TMEM179: variants seen among roughly 807,000 people sequenced by gnomAD.
TMEM179 encodes transmembrane protein 179, also known as transmembrane protein 179A.
A neutral mutation model predicts 22.2 loss-of-function variants in TMEM179; 17 were observed. That is an observed-to-expected ratio of 0.77 (90% CI 0.52 to 1.15). The LOEUF is 1.15. TMEM179 is among the 50% of genes most tolerant of loss of function. The pLI is 0.00. For missense variants in TMEM179, 265 were observed against 313.6 expected (o/e 0.84, Z 1.17); for synonymous variants, 127 against 140.5 (o/e 0.90, Z 0.68).
intron 1 of TMEM179, among the ~76,000 whole-genome samples, chr14:104,602,990 A>G (rs1037860796): frequency 6.6e-6 from 1 of 152,172 alleles, no homozygotes; most frequent in Non-Finnish European, 1.5e-5. Flanking sequence ...GAATCCAGTG[A>G]CTGGTGTCCC....
Position 104,595,585 on chromosome 14 carries a change from C to T in TMEM179, c.444-342G>A, listed in dbSNP as rs926084131. ...AGGCCAGGCCCCTCCCTGTCCTGAC[C>T]CAGGACGGCCGGAAGACGCCAGCTC... On this transcript the variant is annotated intron_variant, in intron 2 of 3. Transcript: ENST00000556573. This position sits in a 1 kb window ranked among gnomAD's most constrained non-coding sequence, Gnocchi z 5.7. Among the ~76,000 whole-genome samples, 4 of 151,898 alleles carry T rather than the reference C, an allele frequency of 2.6e-5. No individual in the cohort carries two copies. Among genetic ancestry groups the T allele is most frequent in the African/African-American group, 9.7e-5 (4 of 41,312 alleles).
In TMEM179 at chr14:104,602,980, G is replaced by A. The variant is rs562960735; in HGVS notation, c.305+1457C>T. Among the ~76,000 whole-genome samples the A allele has an allele frequency of 8.5e-4, 130 of 152,360 alleles. 1 individual carries two copies. In the Middle Eastern group the frequency reaches 0.02, roughly 24 times the overall value. On this transcript the variant is annotated intron_variant, in intron 1 of 3. Transcript: ENST00000556573. ...TCTCCCTGAGTTTAGAGTGGGCCCT[G>A]AATCCAGTGACTGGTGTCCCTGTAA...
In TMEM179 at chr14:104,591,176, G is replaced by A; in HGVS notation, c.*2303C>T. On this transcript the variant is annotated 3_prime_UTR_variant, in exon 4 of 4. Coordinates refer to ENST00000556573, the MANE Select transcript of TMEM179 (RefSeq NM_001286389.2). Reference sequence around the variant, plus strand: ...GTCCAGGGTGGGTCTATGTCTGCATGCAGCCGAGGATTTCCATCACCCTGG... The same window carrying A: ...GTCCAGGGTGGGTCTATGTCTGCATACAGCCGAGGATTTCCATCACCCTGG... 2.8e-6 allele frequency: 1 copy of A among 357,708 alleles called. No homozygotes were observed. The highest frequency in any genetic ancestry group is 5.5e-6 in the Non-Finnish European group (1 of 181,990). 22.2% of individuals were successfully genotyped at this position (357,708 alleles called of 1,614,324 possible). A position where few individuals can be genotyped will look rare whatever the true frequency, so the allele number is the denominator to read the frequency against.
At chr14:104,594,238 T>C (rs1028075095) in intron 3 of TMEM179, 3 of 1,231,706 alleles carry the variant, frequency 2.4e-6, no homozygotes, top group Admixed American at 4.2e-5. Flanking sequence ...TAAATTTGCA[T>C]GAAGGTGTCT....
chr14:104,599,700 G>A (rs149628908), intron 1 of TMEM179, among the ~76,000 whole-genome samples: 45 of 152,308 alleles, frequency 3.0e-4, no homozygotes, highest in African/African-American at 1.0e-3. Flanking sequence ...GGCGAGGCAC[G>A]GCCAGGGTCA....
chr14:104,600,403 G>A (rs1046549224), intron 1 of TMEM179, among the ~76,000 whole-genome samples: 6 of 152,210 alleles, frequency 3.9e-5, no homozygotes, highest in Non-Finnish European at 8.8e-5. Context: ...GCGCCGGCAC[G>A]GGCAGGCAGA....
chr14:104,596,347 C>G (rs1351054369), intron 2 of TMEM179, among the ~76,000 whole-genome samples: 1 of 152,194 alleles, frequency 6.6e-6, no homozygotes, highest in Non-Finnish European at 1.5e-5. Flanking sequence ...TCACTGTGCT[C>G]CACTCTGGGG....
chr14:104,599,255 T>G (rs908757554), intron 1 of TMEM179, among the ~76,000 whole-genome samples: 69 of 138,276 alleles, frequency 5.0e-4, no homozygotes, highest in Non-Finnish European at 1.5e-4. Flanking sequence ...GTCTGGAGGC[T>G]GAAAGGTGTG....
At position 104,604,040 on chromosome 14, in the gene TMEM179, T is replaced by G. The variant is rs1345220895; in HGVS notation, c.305+397A>C. On this transcript the variant is annotated intron_variant, in intron 1 of 3. Transcript: ENST00000556573. This position sits in a 1 kb window ranked among gnomAD's most constrained non-coding sequence, Gnocchi z 4.6. ...CCCAGTTCGCCTTGTCACTGGGACC[T>G]GGAGAGCTCAGTGCAAGCCCTAGAC... Among the ~76,000 whole-genome samples, 1 of 152,158 alleles carries G rather than the reference T, an allele frequency of 6.6e-6. No individual in the cohort carries two copies. The highest frequency in any genetic ancestry group is 1.5e-5 in the Non-Finnish European group (1 of 68,014).
Position 104,593,569 on chromosome 14 carries a change from C to G in TMEM179, c.612G>C (p.Leu204=). The change falls in exon 4 of 4, where the codon CTG becomes CTC. Residue 204 remains leucine (L), a synonymous_variant. Transcript: ENST00000556573. ...CCTTCTCGTGGATCAGGCTGTCCAG[C>G]AGGTCCTCCTGACGGTAGTTGTGGT... ...KVYHNYRQED[L]LDSLIHEKEL... 6.5e-7 allele frequency: 1 copy of G among 1,532,114 alleles called. No homozygotes were observed. The allele number at this position is 1,532,114 out of a possible 1,614,324, so 94.9% of individuals were successfully genotyped here. A position where few individuals can be genotyped will look rare whatever the true frequency, so the allele number is the denominator to read the frequency against.
chr14:104,604,290 G>A lies in TMEM179; in HGVS notation c.305+147C>T, dbSNP rs1887342756. 3.4e-6 allele frequency: 3 copies of A among 873,000 alleles called. No individual in the cohort carries two copies. The highest frequency in any genetic ancestry group is 3.4e-5 in the Admixed American group (1 of 29,740). 54.1% of individuals were successfully genotyped at this position (873,000 alleles called of 1,614,324 possible). ...TGTGTGTAGACAAAGGGCGGTCTGA[G>A]TGGAGGGGGTGAGGGCGGATTGTTG... is the stretch of plus-strand genomic sequence containing the variant. On this transcript the variant is annotated intron_variant, in intron 1 of 3. Transcript: ENST00000556573. The surrounding 1 kb of genome is among the most constrained non-coding windows in gnomAD (Gnocchi z 4.6).
chr14:104,600,094 C>T (rs760888732), intron 1 of TMEM179, among the ~76,000 whole-genome samples: 1 of 152,246 alleles, frequency 6.6e-6, no homozygotes, highest in African/African-American at 2.4e-5. Context: ...TGCCAGCTGA[C>T]AGCCTCGGTC....
rs944355369 is a variant in TMEM179 at position 104,604,084 on chromosome 14, C to T, written c.305+353G>A. On this transcript the variant is annotated intron_variant, in intron 1 of 3. Coordinates refer to ENST00000556573, the MANE Select transcript of TMEM179 (RefSeq NM_001286389.2). The surrounding 1 kb of genome is among the most constrained non-coding windows in gnomAD (Gnocchi z 4.6). ...CCTAGACCGGGCTGGGAGTTGTCGC[C>T]GGTCCTGGCGAGTGTGGCCCGGCTG... 6.6e-6 allele frequency among the ~76,000 whole-genome samples: 1 copy of T among 152,216 alleles called. No homozygotes were observed. Among genetic ancestry groups the T allele is most frequent in the Non-Finnish European group, 1.5e-5 (1 of 68,032 alleles).
rs1887368006 is a variant in TMEM179 at position 104,604,744 on chromosome 14, C to A, written c.-3G>T. ...AAAAGGAAATTGTTGAGCGCCATGG[C>A]CGGCCCGGGCGAGAGCGGCGGCGGG... On this transcript the variant is annotated 5_prime_UTR_variant, in exon 1 of 4. Transcript: ENST00000556573. The surrounding 1 kb of genome is among the most constrained non-coding windows in gnomAD (Gnocchi z 4.6). 4 of 1,552,480 alleles carry A rather than the reference C, an allele frequency of 2.6e-6. No homozygotes were observed. Among genetic ancestry groups the A allele is most frequent in the East Asian group, 2.7e-5 (1 of 37,318 alleles).
At chr14:104,600,075 TG>T (rs1232609500) in intron 1 of TMEM179, among the ~76,000 whole-genome samples, 1 of 152,240 alleles carries the variant, frequency 6.6e-6, no homozygotes. Flanking sequence ...GACCCCAGGC[TG>T]GGGCCGCTGC....
intron 3 of TMEM179, chr14:104,594,554 G>A: frequency 8.1e-7 from 1 of 1,230,844 alleles, no homozygotes; most frequent in Non-Finnish European, 1.0e-6. Flanking sequence ...GGCCCTCACG[G>A]GCCACTGATG....
In TMEM179 at chr14:104,597,062, G is replaced by T. The variant is rs749233785; in HGVS notation, c.371C>A (p.Ala124Asp). The T allele has an allele frequency of 9.9e-6, 16 of 1,609,570 alleles. No individual in the cohort carries two copies. The highest frequency in any genetic ancestry group is 1.1e-5 in the Non-Finnish European group (13 of 1,178,754). The change falls in exon 2 of 4, where the codon GCC (alanine) becomes GAC (aspartate). Residue 124 changes from alanine (A) to aspartate (D), a missense_variant. Coordinates refer to ENST00000556573, the MANE Select transcript of TMEM179 (RefSeq NM_001286389.2). The surrounding 1 kb of genome is among the most constrained non-coding windows in gnomAD (Gnocchi z 4.8). ...SAFVVFLVFIASTIVSVGFTM... is the reference protein window; with the variant it reads ...SAFVVFLVFIDSTIVSVGFTM... ...GAAGCCCACGCTCACGATGGTGCTG[G>T]CAATGAAGACCAGGAAGACCACGAA... is the stretch of plus-strand genomic sequence containing the variant.
At chr14:104,599,568 A>C (rs1323596270) in intron 1 of TMEM179, among the ~76,000 whole-genome samples, 1 of 152,116 alleles carries the variant, frequency 6.6e-6, no homozygotes, top group African/African-American at 2.4e-5. Context: ...CCCAAAATCC[A>C]TCTGGCCTGG....
chr14:104,602,621 A>G (rs989156417), intron 1 of TMEM179, among the ~76,000 whole-genome samples: 2 of 152,226 alleles, frequency 1.3e-5, no homozygotes, highest in Non-Finnish European at 2.9e-5. Flanking sequence ...ATGGGTGCAG[A>G]TGACGTCTCA....
Sources: allele counts gnomAD v4.1 joint callset (sites outside exome capture counted in the v4.1 genomes callset), GRCh38; gene constraint gnomAD v4.1.1; non-coding constraint Gnocchi (gnomAD v3.1); transcripts MANE v1.5; gene names NCBI Gene and HGNC (gene_info 2026-07-23, HGNC 2026-07-21).